CPED1: variants seen among roughly 807,000 people sequenced by gnomAD.
CPED1 encodes cadherin-like and PC-esterase domain-containing protein 1.
Under a neutral mutation model 128.2 loss-of-function variants are expected in CPED1, and 114 were observed. The observed-to-expected ratio is 0.89, with a 90% CI of 0.76 to 1.04. The LOEUF is 1.04. Ranked by LOEUF, CPED1 falls within the 50% of genes least tolerant of loss-of-function variation. CPED1 has a pLI of 0.00. For synonymous variants in CPED1, 462 were observed against 426.7 expected (o/e 1.08, Z -1.02); for missense variants, 1,211 against 1,207.1 (o/e 1.00, Z -0.05).
At chr7:121,200,095 G>T (rs916533769) in intron 16 of CPED1, among the ~76,000 whole-genome samples, 1 of 151,958 alleles carries the variant, frequency 6.6e-6, no homozygotes, top group African/African-American at 2.4e-5. Context: ...TATTTAAAAA[G>T]CCAGCTGGTA....
chr7:121,296,626 G>T lies in CPED1; in HGVS notation c.*974G>T, dbSNP rs574775462. On this transcript the variant is annotated 3_prime_UTR_variant, in exon 23 of 23. Coordinates refer to ENST00000310396, the MANE Select transcript of CPED1 (RefSeq NM_024913.5). ...ATTATGTTACTAGTATCTATATTTT[G>T]ATTTTCCTGAGCAACTGTATCAAAT... The T allele has an allele frequency of 1.6e-4, 24 of 152,058 alleles. No individual in the cohort carries two copies. The highest frequency in any genetic ancestry group is 5.5e-4 in the African/African-American group (23 of 41,484). The allele number at this position is 152,058 out of a possible 1,614,324, so 9.4% of individuals were successfully genotyped here.
At chr7:121,023,521 G>C (rs1792495069) in intron 3 of CPED1, among the ~76,000 whole-genome samples, 1 of 152,106 alleles carries the variant, frequency 6.6e-6, no homozygotes, top group African/African-American at 2.4e-5. Context: ...TACAATATAA[G>C]ACTCAAACAC....
chr7:121,189,304 T>A (rs575905347), intron 16 of CPED1, among the ~76,000 whole-genome samples: 1 of 152,216 alleles, frequency 6.6e-6, no homozygotes, highest in South Asian at 2.1e-4. Context: ...GAGGTTTAAT[T>A]GACTGACAGT....
chr7:121,087,535 T>G (rs1290315089), intron 5 of CPED1, among the ~76,000 whole-genome samples: 1 of 152,236 alleles, frequency 6.6e-6, no homozygotes, highest in Admixed American at 6.5e-5. Context: ...CCATTTTAAC[T>G]TAAAGCTAAC....
At chr7:121,256,928 A>G (rs1354204980) in intron 18 of CPED1, among the ~76,000 whole-genome samples, 13 of 152,086 alleles carry the variant, frequency 8.5e-5, no homozygotes, top group African/African-American at 3.1e-4. Flanking sequence ...AGAAACATGA[A>G]TGCAGCTGGA....
intron 16 of CPED1, among the ~76,000 whole-genome samples, chr7:121,214,908 A>G (rs148400995): frequency 1.8e-4 from 27 of 152,162 alleles, no homozygotes; most frequent in African/African-American, 6.3e-4. Flanking sequence ...CTAAGTAATT[A>G]CTAGTAAAGC....
At chr7:121,217,366 T>C (rs1273642221) in intron 16 of CPED1, among the ~76,000 whole-genome samples, 1 of 152,080 alleles carries the variant, frequency 6.6e-6, no homozygotes, top group Admixed American at 6.6e-5. Flanking sequence ...AGTGGACATA[T>C]ATATGTATAT....
At chr7:121,208,428 C>T (rs754562609) in intron 16 of CPED1, among the ~76,000 whole-genome samples, 13 of 151,966 alleles carry the variant, frequency 8.6e-5, no homozygotes, top group Non-Finnish European at 1.8e-4. Flanking sequence ...CAATCATGGT[C>T]ACATTTATTG....
intron 16 of CPED1, among the ~76,000 whole-genome samples, chr7:121,146,837 C>T (rs1563044910): frequency 6.6e-6 from 1 of 152,080 alleles, no homozygotes; most frequent in Non-Finnish European, 1.5e-5. Flanking sequence ...AGTTAATTAC[C>T]AGTGAAGGAG....
chr7:121,140,757 A>G lies in CPED1; in HGVS notation c.1700-70A>G, dbSNP rs996686275. On this transcript the variant is annotated intron_variant, in intron 14 of 22. Transcript: ENST00000310396. ...AAGGAAACAGAAAAAGAAAAACCTA[A>G]TCATATATTATTTAAAGATATTTAC... 1.9e-5 allele frequency: 21 copies of G among 1,103,338 alleles called. No homozygotes were observed. In the Admixed American group the frequency reaches 3.0e-4, roughly 16 times the overall value. The allele number at this position is 1,103,338 out of a possible 1,614,324, so 68.3% of individuals were successfully genotyped here.
At chr7:121,139,552 G>C (rs1037667647) in intron 14 of CPED1, among the ~76,000 whole-genome samples, 2 of 151,922 alleles carry the variant, frequency 1.3e-5, no homozygotes, top group Non-Finnish European at 2.9e-5. Context: ...AAAAATTTTG[G>C]TCTTGTTGAA....
In CPED1 at chr7:121,015,851, C is replaced by T; in HGVS notation, c.433+3C>T. ...AGGGCCGGGGCTACTAGAACAAGGT[C>T]AGAATAGTGAGAAGTAACTGCCAAA... On this transcript the variant is annotated splice_donor_region_variant and intron_variant, in intron 3 of 22. Transcript: ENST00000310396. 1 of 1,504,710 alleles carries T rather than the reference C, an allele frequency of 6.6e-7. No individual in the cohort carries two copies. The highest frequency in any genetic ancestry group is 1.4e-5 in the African/African-American group (1 of 70,238). The allele number at this position is 1,504,710 out of a possible 1,614,324, so 93.2% of individuals were successfully genotyped here.
At chr7:121,252,173 A>G in intron 18 of CPED1, among the ~76,000 whole-genome samples, 1 of 151,344 alleles carries the variant, frequency 6.6e-6, no homozygotes, top group Non-Finnish European at 1.5e-5. Context: ...ATCTACAACT[A>G]TCTGATCTTT....
chr7:121,167,411 T>G (rs1796554505), intron 16 of CPED1, among the ~76,000 whole-genome samples: 1 of 152,212 alleles, frequency 6.6e-6, no homozygotes, highest in African/African-American at 2.4e-5. Context: ...AAGAGTTCTT[T>G]GGAATGCAAC....
chr7:121,168,073 G>C (rs1413614646), intron 16 of CPED1, among the ~76,000 whole-genome samples: 1 of 152,140 alleles, frequency 6.6e-6, no homozygotes, highest in Non-Finnish European at 1.5e-5. Context: ...GCTGAGCTTA[G>C]TTCCTGAGGT....
At chr7:121,116,284 T>A (rs768359107) in intron 7 of CPED1, among the ~76,000 whole-genome samples, 16 of 152,220 alleles carry the variant, frequency 1.1e-4, no homozygotes, top group Admixed American at 4.6e-4. Flanking sequence ...TTGGAGTTTT[T>A]AATATAATTC....
intron 3 of CPED1, among the ~76,000 whole-genome samples, chr7:121,026,954 T>C (rs976445766): frequency 1.3e-5 from 2 of 149,316 alleles, no homozygotes; most frequent in South Asian, 2.2e-4. Flanking sequence ...CCTCAATCCC[T>C]GAGTAGCCAG....
chr7:121,150,632 C>G (rs891638443), intron 16 of CPED1, among the ~76,000 whole-genome samples: 2 of 152,114 alleles, frequency 1.3e-5, no homozygotes, highest in Non-Finnish European at 2.9e-5. Flanking sequence ...TCCAAACTGT[C>G]TTCCACAGTG....
intron 3 of CPED1, among the ~76,000 whole-genome samples, chr7:121,023,131 A>G (rs568829065): frequency 2.6e-5 from 4 of 152,200 alleles, no homozygotes; most frequent in Admixed American, 2.0e-4. Context: ...ATTTTGTCAG[A>G]ATTATTTACG....
Sources: gnomAD v4.1 joint callset for allele counts (sites outside exome capture counted in the v4.1 genomes callset) on GRCh38, gnomAD v4.1.1 for gene constraint, MANE v1.5 for transcripts, NCBI Gene and HGNC (gene_info 2026-07-23, HGNC 2026-07-21) for gene names.